CEP70: variants seen among roughly 807,000 people sequenced by gnomAD.
The protein encoded by CEP70 is centrosomal protein of 70 kDa.
Under a neutral mutation model 90.9 loss-of-function variants are expected in CEP70, and 70 were observed. That is an observed-to-expected ratio of 0.77 (90% CI 0.64 to 0.94). The LOEUF is 0.94. CEP70 is among the 40% of genes least tolerant of loss of function. The pLI, the probability that CEP70 is intolerant of heterozygous loss-of-function variation, is 0.00. For synonymous variants in CEP70, 220 were observed against 228.3 expected, an observed-to-expected ratio of 0.96 and a Z score of 0.33; for missense variants, 648 against 669.0, an observed-to-expected ratio of 0.97 and a Z score of 0.35.
intron 2 of CEP70, among the ~76,000 whole-genome samples, chr3:138,578,382 T>C (rs565959401): frequency 1.3e-5 from 2 of 152,280 alleles, no homozygotes; most frequent in South Asian, 2.1e-4. Flanking sequence ...CCCTAATTCA[T>C]TGGTATCGCT....
chr3:138,522,643 C>G lies in CEP70; in HGVS notation c.944+2847G>C, dbSNP rs1388778058. Among the ~76,000 whole-genome samples, 4 of 152,206 alleles carry G rather than the reference C, an allele frequency of 2.6e-5. No homozygotes were observed. The East Asian group carries it at 7.7e-4, about 29-fold the overall frequency. Reference sequence around the variant, plus strand: ...ATCTAGAAGAAATGGATAAATTCCTCAACACATACACCCTCCCAAGACTAA... The same window carrying G: ...ATCTAGAAGAAATGGATAAATTCCTGAACACATACACCCTCCCAAGACTAA... On this transcript the variant is annotated intron_variant, in intron 11 of 17. Transcript: ENST00000264982.
At chr3:138,531,201 A>T (rs548719808) in intron 8 of CEP70, among the ~76,000 whole-genome samples, 115 of 152,292 alleles carry the variant, frequency 7.6e-4, no homozygotes, top group Non-Finnish European at 1.5e-3. Context: ...ATTCATGACA[A>T]CTAAATTCAA....
At chr3:138,570,933 A>T in intron 5 of CEP70, 101 bp downstream of exon 5, 1 of 1,014,188 alleles carries the variant, frequency 9.9e-7, no homozygotes, top group Non-Finnish European at 1.4e-6. Flanking sequence ...TTAGTTTAAT[A>T]TTTAATCAAA....
intron 17 of CEP70, chr3:138,496,272 C>T (rs9855306): frequency 0.29 from 289,696 of 985,088 alleles, 45,694 homozygotes; most frequent in African/African-American, 0.58. Flanking sequence ...TTGCTCTTCA[C>T]TTAGCCTACA....
chr3:138,539,489 TA>T (rs1424323687), intron 6 of CEP70, among the ~76,000 whole-genome samples: 1 of 152,026 alleles, frequency 6.6e-6, no homozygotes, highest in Non-Finnish European at 1.5e-5. Flanking sequence ...TAATAACTTT[TA>T]AAAAAACAAA....
chr3:138,584,461 C>CAAAAAAA (rs35985463), intron 2 of CEP70, among the ~76,000 whole-genome samples: 4 of 92,102 alleles, frequency 4.3e-5, no homozygotes, highest in African/African-American at 4.4e-5. Context: ...AAAGACATAT[C>CAAAAAAA]AAAAAAAAAA....
At chr3:138,500,666 T>C in intron 14 of CEP70, 69 bp downstream of exon 14, 1 of 1,492,166 alleles carries the variant, frequency 6.7e-7, no homozygotes, top group Non-Finnish European at 9.0e-7. Flanking sequence ...AGAACAAATA[T>C]CAATATCCAC....
intron 6 of CEP70, among the ~76,000 whole-genome samples, chr3:138,564,279 C>G (rs139501496): frequency 1.3e-5 from 2 of 152,304 alleles, no homozygotes; most frequent in African/African-American, 4.8e-5. Flanking sequence ...CAAAGAGGAG[C>G]TGGTACCTTT....
chr3:138,507,829 G>T (rs1283839764), intron 12 of CEP70, among the ~76,000 whole-genome samples: 1 of 151,968 alleles, frequency 6.6e-6, no homozygotes, highest in African/African-American at 2.4e-5. Context: ...CTTTTTAGGA[G>T]AAGTTAGAAA....
Position 138,529,559 on chromosome 3 carries a change from G to C in CEP70, c.693-97C>G, listed in dbSNP as rs931573594. 138 of 719,608 alleles carry C rather than the reference G, an allele frequency of 1.9e-4. 1 individual carries two copies. Among genetic ancestry groups the C allele is most frequent in the Non-Finnish European group, 4.4e-5 (19 of 427,640 alleles). The allele number at this position is 719,608 out of a possible 1,614,324, so 44.6% of individuals were successfully genotyped here. A position where few individuals can be genotyped will look rare whatever the true frequency, so the allele number is the denominator to read the frequency against. On this transcript the variant is annotated intron_variant, in intron 8 of 17. Coordinates refer to ENST00000264982, the MANE Select transcript of CEP70 (RefSeq NM_024491.4). ...AATGAGGGTTTAATAATCTAAACAT[G>C]AATTAAAATTAATCCACATTTCCTA...
chr3:138,497,039 C>A (rs1005515933), intron 17 of CEP70: 2 of 1,003,280 alleles, frequency 2.0e-6, no homozygotes, highest in African/African-American at 1.7e-5. Flanking sequence ...GGATATCAGA[C>A]AACACACTTA....
chr3:138,496,687 C>T, intron 17 of CEP70: 2 of 985,270 alleles, frequency 2.0e-6, no homozygotes, highest in Non-Finnish European at 2.4e-6. Flanking sequence ...CACCTACATG[C>T]TTAGTGACAC....
intron 6 of CEP70, among the ~76,000 whole-genome samples, chr3:138,553,964 A>G (rs1195439478): frequency 6.6e-6 from 1 of 152,198 alleles, no homozygotes; most frequent in Non-Finnish European, 1.5e-5. Context: ...TGGGAGGCTG[A>G]GGTGGGTGGA....
intron 8 of CEP70, among the ~76,000 whole-genome samples, chr3:138,531,326 ATATGT>A: frequency 6.6e-6 from 1 of 152,188 alleles, no homozygotes; most frequent in South Asian, 2.1e-4. Flanking sequence ...TTCCTGATGG[ATATGT>A]TATGTTAAAT....
Position 138,500,738 on chromosome 3 carries a change from T to A in CEP70, c.1365A>T (p.Glu455Asp). ...TGACCGTTCATGTAGGTATTACCTT[T>A]TCCTTATTTTCAACTTCTTCCAGCA... ...DTMLEEVENK[E>D]KDSNMPHFQT... Residue 455 changes from glutamate (E) to aspartate (D), a missense_variant, in exon 14 of 18, where the codon GAA becomes GAT. Coordinates refer to ENST00000264982, the MANE Select transcript of CEP70 (RefSeq NM_024491.4). The A allele has an allele frequency of 1.9e-6, 3 of 1,591,722 alleles. No homozygotes were observed. The highest frequency in any genetic ancestry group is 2.6e-6 in the Non-Finnish European group (3 of 1,171,096).
At chr3:138,500,989 T>G (rs890206047) in intron 13 of CEP70, 108 bp from the exon 14 acceptor site, 26 of 384,498 alleles carry the variant, frequency 6.8e-5, no homozygotes, top group African/African-American at 1.1e-4. Context: ...ATATGTTTTA[T>G]AAAATTAATA....
At chr3:138,519,888 A>G (rs1446672652) in intron 11 of CEP70, among the ~76,000 whole-genome samples, 4 of 152,206 alleles carry the variant, frequency 2.6e-5, no homozygotes, top group Non-Finnish European at 4.4e-5. Context: ...ACAGACTGGC[A>G]AATTGGATAA....
Position 138,585,532 on chromosome 3 carries a change from T to C in CEP70, c.-6+6322A>G, listed in dbSNP as rs184988608. On this transcript the variant is annotated intron_variant, in intron 2 of 17. Coordinates refer to ENST00000264982, the MANE Select transcript of CEP70 (RefSeq NM_024491.4). ...ATACCAATGACATTCTTCACAGAAA[T>C]AGACAAAATAATCCTAAAATTTAAA... 8.9e-4 allele frequency among the ~76,000 whole-genome samples: 136 copies of C among 152,164 alleles called. 2 individuals are homozygous for C. Among genetic ancestry groups the C allele is most frequent in the Non-Finnish European group, 5.0e-4 (34 of 67,996 alleles).
rs763421968 is a variant in CEP70 at position 138,505,478 on chromosome 3, A to G, written c.1051-13T>C. The stretch of plus-strand genomic sequence containing the variant: ...TGCTACACAGCACCTTTAAAAAAAC[A>G]TAGTGTATATAGTCAAAATATTTAT... On this transcript the variant is annotated splice_polypyrimidine_tract_variant and intron_variant, in intron 12 of 17. Coordinates refer to ENST00000264982, the MANE Select transcript of CEP70 (RefSeq NM_024491.4). The G allele has an allele frequency of 3.5e-5, 54 of 1,525,366 alleles. No individual in the cohort carries two copies. The highest frequency in any genetic ancestry group is 4.5e-5 in the Non-Finnish European group (51 of 1,139,534). The allele number at this position is 1,525,366 out of a possible 1,614,324, so 94.5% of individuals were successfully genotyped here. A position where few individuals can be genotyped will look rare whatever the true frequency, so the allele number is the denominator to read the frequency against.
Sources: allele counts gnomAD v4.1 joint callset (sites outside exome capture counted in the v4.1 genomes callset), GRCh38; gene constraint gnomAD v4.1.1; transcripts MANE v1.5; gene names NCBI Gene and HGNC (gene_info 2026-07-23, HGNC 2026-07-21).